Variants in HGSNAT observed in about 807,000 individuals in gnomAD.
The protein encoded by HGSNAT is heparan-alpha-glucosaminide N-acetyltransferase, also known as transmembrane protein 76.
HGSNAT carries 59 observed loss-of-function variants against 85.2 expected under a neutral mutation model. The observed-to-expected ratio is 0.69, with a 90% CI of 0.56 to 0.86. HGSNAT has a LOEUF of 0.86. Among genes scored for constraint, HGSNAT ranks in the 40% least tolerant of loss-of-function variants. The pLI, the probability that HGSNAT is intolerant of heterozygous loss-of-function variation, is 0.00. For synonymous variants in HGSNAT, 321 were observed against 304.5 expected (o/e 1.05, Z -0.56); for missense variants, 756 against 777.1 (o/e 0.97, Z 0.32).
chr8:43,191,908 C>T (rs1804543709), intron 12 of HGSNAT, among the ~76,000 whole-genome samples: 1 of 152,030 alleles, frequency 6.6e-6, no homozygotes. Flanking sequence ...GGGCTGCATA[C>T]ATAGCCAATA....
intron 15 of HGSNAT, 148 bp downstream of exon 15, chr8:43,197,173 A>G: frequency 1.6e-6 from 1 of 632,960 alleles, no homozygotes; most frequent in East Asian, 2.7e-5. Flanking sequence ...AGAGAGGAAC[A>G]AATCTTTCCA....
At chr8:43,164,229 C>T (rs1489653904) in intron 5 of HGSNAT, among the ~76,000 whole-genome samples, 1 of 152,156 alleles carries the variant, frequency 6.6e-6, no homozygotes, top group Non-Finnish European at 1.5e-5. Flanking sequence ...GTAAGATTGG[C>T]CATGTGTCGA....
chr8:43,150,618 G>A (rs552073391), intron 2 of HGSNAT, among the ~76,000 whole-genome samples: 2 of 152,138 alleles, frequency 1.3e-5, no homozygotes, highest in South Asian at 2.1e-4. Flanking sequence ...CGGATCACAA[G>A]GTCAGGAGAT....
chr8:43,181,846 C>A (rs1162349652), intron 10 of HGSNAT: 4 of 382,032 alleles, frequency 1.0e-5, no homozygotes. Context: ...GGCTTTATCC[C>A]CACACCTGAG....
chr8:43,161,738 C>T (rs1438947428), intron 5 of HGSNAT, among the ~76,000 whole-genome samples: 1 of 152,194 alleles, frequency 6.6e-6, no homozygotes, highest in Non-Finnish European at 1.5e-5. Flanking sequence ...TCCTTCCTCC[C>T]ACATGGCTGA....
At chr8:43,163,370 A>T (rs909282350) in intron 5 of HGSNAT, among the ~76,000 whole-genome samples, 3 of 152,114 alleles carry the variant, frequency 2.0e-5, no homozygotes, top group Non-Finnish European at 2.9e-5. Context: ...CAACATACCC[A>T]GGGAGGTTCA....
rs139141993 is a variant in HGSNAT at position 43,200,882 on chromosome 8, A to G, written c.*1313A>G. ...GCTCTGCCCTCTGCCCTGAACTCTCATCCGGCTTGTACCTGCCTGCTGGAC... is the reference window on the plus strand; with the variant it reads ...GCTCTGCCCTCTGCCCTGAACTCTCGTCCGGCTTGTACCTGCCTGCTGGAC... On this transcript the variant is annotated 3_prime_UTR_variant, in exon 18 of 18. Coordinates refer to ENST00000379644, the MANE Select transcript of HGSNAT (RefSeq NM_152419.3). 2.0e-5 allele frequency: 3 copies of G among 152,726 alleles called. No individual in the cohort carries two copies. In the East Asian group the frequency reaches 5.8e-4, roughly 29 times the overall value. The allele number at this position is 152,726 out of a possible 1,614,324, so 9.5% of individuals were successfully genotyped here. A position where few individuals can be genotyped will look rare whatever the true frequency, so the allele number is the denominator to read the frequency against.
intron 1 of HGSNAT, among the ~76,000 whole-genome samples, chr8:43,146,182 G>A (rs1285288807): frequency 6.6e-6 from 1 of 152,024 alleles, no homozygotes; most frequent in Non-Finnish European, 1.5e-5. Context: ...CCCAATCCAG[G>A]AGCAGTGAGT....
At chr8:43,188,797 C>T (rs1312230738) in intron 11 of HGSNAT, among the ~76,000 whole-genome samples, 3 of 152,190 alleles carry the variant, frequency 2.0e-5, no homozygotes, top group Non-Finnish European at 4.4e-5. Context: ...TACCTTTGGT[C>T]TTTGATGATG....
In HGSNAT at chr8:43,199,425, G is replaced by GT; in HGVS notation, c.1767dup (p.Glu590Ter). ...TTCTGGTATATGTCGGCCACGAGGT[G>GT]TTTGAGAACTACTTCCCCTTTCAGT... On this transcript the variant is annotated frameshift_variant, in exon 18 of 18. Transcript: ENST00000379644. LOFTEE classifies it high-confidence loss of function. The GT allele has an allele frequency of 1.2e-6, 2 of 1,608,870 alleles. No individual in the cohort carries two copies. The highest frequency in any genetic ancestry group is 8.5e-7 in the Non-Finnish European group (1 of 1,177,476).
chr8:43,196,711 G>A (rs1039246327), intron 14 of HGSNAT: 25 of 579,540 alleles, frequency 4.3e-5, no homozygotes, highest in Non-Finnish European at 5.5e-5. Context: ...TCTGTGGCTC[G>A]TCCTCTCTGA....
rs770291978 is a variant in HGSNAT at position 43,197,023 on chromosome 8, C to T, written c.1540C>T (p.Leu514Phe). 6.3e-7 allele frequency: 1 copy of T among 1,599,366 alleles called. No homozygotes were observed. Among genetic ancestry groups the T allele is most frequent in the South Asian group, 1.1e-5 (1 of 90,562 alleles). The part of the protein sequence containing the change: ...LIRFTAWCCI[L>F]GLISVALTKV... ...TCGATTCACTGCTTGGTGTTGTATT[C>T]TTGTAAGTAAGCAGCATTCCTCGCT... The change falls in exon 15 of 18, where the codon CTT (leucine) becomes TTT (phenylalanine). Residue 514 changes from leucine to phenylalanine, a missense_variant and splice_region_variant. Transcript: ENST00000379644.
intron 5 of HGSNAT, 117 bp downstream of exon 5, chr8:43,161,624 TC>T: frequency 1.5e-6 from 1 of 655,754 alleles, no homozygotes; most frequent in Non-Finnish European, 2.5e-6. Flanking sequence ...CATTTCTGTG[TC>T]CCCCATGTCC....
At position 43,178,207 on chromosome 8, in the gene HGSNAT, G is replaced by T. The variant is rs756756677; in HGVS notation, c.985G>T (p.Val329Leu). ...GTTAATCTGCATAGGAATTATCATT[G>T]TGAATCCCAATTATTGCCTTGGTCC... ...FLLICIGIII[V>L]NPNYCLGPLS... The change falls in exon 10 of 18, where the codon GTG becomes TTG. Residue 329 changes from valine to leucine, a missense_variant. Val to Leu is a conservative substitution (Grantham distance 32). Coordinates refer to ENST00000379644, the MANE Select transcript of HGSNAT (RefSeq NM_152419.3). The T allele has an allele frequency of 1.0e-5, 16 of 1,554,448 alleles. No individual in the cohort carries two copies. In the South Asian group the frequency reaches 2.0e-4, roughly 19 times the overall value.
intron 5 of HGSNAT, among the ~76,000 whole-genome samples, chr8:43,162,128 T>C (rs1586715916): frequency 1.3e-5 from 2 of 152,344 alleles, no homozygotes; most frequent in Admixed American, 1.3e-4. Flanking sequence ...CAAAGGAAAG[T>C]TTTTTTCATG....
intron 9 of HGSNAT, 38 bp from the exon 10 acceptor site, chr8:43,178,036 T>G: frequency 6.4e-7 from 1 of 1,570,920 alleles, no homozygotes; most frequent in Non-Finnish European, 8.8e-7. Context: ...ACAAAAAATT[T>G]GGAAATGGCC....
Position 43,150,491 on chromosome 8 carries a change from T to G in HGSNAT, c.234+3428T>G, listed in dbSNP as rs1802870698. The stretch of plus-strand genomic sequence containing the variant: ...ACAAAACAAAACAAAAACAAGACTA[T>G]ACAATGTGGAAAATACATAAAAAAG... On this transcript the variant is annotated intron_variant, in intron 2 of 17. Transcript: ENST00000379644. Among the ~76,000 whole-genome samples the G allele has an allele frequency of 2.0e-5, 3 of 151,902 alleles. No homozygotes were observed. In the South Asian group the frequency reaches 6.2e-4, roughly 32 times the overall value.
At chr8:43,191,678 C>G (rs774583525) in intron 12 of HGSNAT, 83 bp downstream of exon 12, 29 of 1,503,556 alleles carry the variant, frequency 1.9e-5, no homozygotes, top group Non-Finnish European at 2.6e-5. Context: ...GGTCTCGAGT[C>G]AGAGGAATTC....
intron 5 of HGSNAT, among the ~76,000 whole-genome samples, chr8:43,168,843 GT>G (rs1482190300): frequency 1.3e-5 from 2 of 152,126 alleles, no homozygotes; most frequent in Non-Finnish European, 2.9e-5. Context: ...TTGTTTCCAA[GT>G]TTTTGCTATT....
Sources: allele counts gnomAD v4.1 joint callset (sites outside exome capture counted in the v4.1 genomes callset), GRCh38; gene constraint gnomAD v4.1.1; transcripts MANE v1.5; gene names NCBI Gene and HGNC (gene_info 2026-07-23, HGNC 2026-07-21).